Variants in EXOC6 observed in about 807,000 individuals in gnomAD.
EXOC6 encodes exocyst complex component 6, also known as SEC15-like 1.
EXOC6 carries 60 observed loss-of-function variants against 112.5 expected under a neutral mutation model. The observed-to-expected ratio is 0.53, with a 90% CI of 0.43 to 0.66. EXOC6 has a LOEUF of 0.66. Ranked by LOEUF, EXOC6 falls within the 30% of genes least tolerant of loss-of-function variation. The pLI, the probability that EXOC6 is intolerant of heterozygous loss-of-function variation, is 0.00. For missense variants in EXOC6, 855 were observed against 957.1 expected, an observed-to-expected ratio of 0.89 and a Z score of 1.41; for synonymous variants, 295 against 308.0, an observed-to-expected ratio of 0.96 and a Z score of 0.44.
Position 93,031,517 on chromosome 10 carries a change from T to C in EXOC6, c.2169+17250T>C, listed in dbSNP as rs1397864036. 3.2e-4 allele frequency among the ~76,000 whole-genome samples: 47 copies of C among 146,280 alleles called. No homozygotes were observed. The East Asian group carries it at 6.1e-3, about 19-fold the overall frequency. On this transcript the variant is annotated intron_variant, in intron 20 of 21. Transcript: ENST00000260762. ...TTTCTTTTTTCTTTCTTTCTTTTTT[T>C]TTTTTTTTTTTTTGAGCAGAGTCTT... is the stretch of plus-strand genomic sequence containing the variant.
intron 12 of EXOC6, among the ~76,000 whole-genome samples, chr10:92,939,613 GA>G: frequency 6.6e-6 from 1 of 152,146 alleles, no homozygotes; most frequent in Non-Finnish European, 1.5e-5. Context: ...TAAATATTTG[GA>G]ATTTAGAGAG....
chr10:92,943,378 A>C (rs1431170251), intron 13 of EXOC6, among the ~76,000 whole-genome samples: 1 of 152,134 alleles, frequency 6.6e-6, no homozygotes, highest in Admixed American at 6.5e-5. Context: ...CGTATCCTTA[A>C]ATATTTTATA....
At chr10:92,868,402 G>C (rs761161375) in intron 1 of EXOC6, among the ~76,000 whole-genome samples, 1 of 152,014 alleles carries the variant, frequency 6.6e-6, no homozygotes, top group Non-Finnish European at 1.5e-5. Context: ...TGGGTTTCTT[G>C]GTTCTGTTCA....
intron 1 of EXOC6, among the ~76,000 whole-genome samples, chr10:92,889,244 GT>G (rs1439923685): frequency 6.6e-6 from 1 of 152,116 alleles, no homozygotes; most frequent in Non-Finnish European, 1.5e-5. Flanking sequence ...GTCAGTTATT[GT>G]TTAAGAATTT....
intron 20 of EXOC6, among the ~76,000 whole-genome samples, chr10:93,042,272 G>A (rs1226556553): frequency 1.3e-5 from 2 of 152,128 alleles, no homozygotes; most frequent in Non-Finnish European, 2.9e-5. Flanking sequence ...GACTCAGTTT[G>A]GGTGTCATCT....
intron 12 of EXOC6, among the ~76,000 whole-genome samples, chr10:92,938,702 A>T (rs1019510368): frequency 1.2e-4 from 19 of 152,194 alleles, no homozygotes; most frequent in Non-Finnish European, 7.4e-5. Context: ...TGTATACAAT[A>T]GTAGAGACAT....
intron 1 of EXOC6, among the ~76,000 whole-genome samples, chr10:92,841,857 GA>G (rs1406319128): frequency 6.6e-6 from 1 of 152,104 alleles, no homozygotes; most frequent in Non-Finnish European, 1.5e-5. Context: ...ATGTATTAAT[GA>G]AATGTAATGT....
intron 8 of EXOC6, among the ~76,000 whole-genome samples, chr10:92,921,894 G>A (rs1249109195): frequency 1.3e-5 from 2 of 151,792 alleles, no homozygotes; most frequent in Non-Finnish European, 2.9e-5. Flanking sequence ...ACTTTCATTA[G>A]CACAATAACT....
chr10:92,995,868 C>T (rs1341713615), intron 18 of EXOC6, among the ~76,000 whole-genome samples: 4 of 152,248 alleles, frequency 2.6e-5, no homozygotes, highest in African/African-American at 9.6e-5. Context: ...TTTCACTGTG[C>T]ATAGTGTCTA....
intron 1 of EXOC6, among the ~76,000 whole-genome samples, chr10:92,876,216 T>C (rs888507578): frequency 6.6e-6 from 1 of 152,200 alleles, no homozygotes; most frequent in Non-Finnish European, 1.5e-5. Context: ...AAAAATAATA[T>C]TAAATCTAAA....
Position 92,875,895 on chromosome 10 carries a change from A to T in EXOC6, c.102-17454A>T, listed in dbSNP as rs143340744. 1.9e-3 allele frequency among the ~76,000 whole-genome samples: 296 copies of T among 152,178 alleles called. 2 individuals carry two copies. The highest frequency in any genetic ancestry group is 2.5e-3 in the Non-Finnish European group (168 of 67,950). On this transcript the variant is annotated intron_variant, in intron 1 of 21. Transcript: ENST00000260762. ...AAAATAAAAATACAATTTTTTGATT[A>T]TAAAAATAGTAAATATTCATTAAAA...
At chr10:92,948,845 T>G (rs1250691178) in intron 14 of EXOC6, among the ~76,000 whole-genome samples, 1 of 152,228 alleles carries the variant, frequency 6.6e-6, no homozygotes, top group East Asian at 1.9e-4. Context: ...ACAAAAAGTT[T>G]ATATTGGTTA....
chr10:92,955,680 A>G lies in EXOC6; in HGVS notation c.1739A>G (p.His580Arg), dbSNP rs376722865. The G allele has an allele frequency of 9.9e-6, 16 of 1,612,076 alleles. No homozygotes were observed. Among genetic ancestry groups the G allele is most frequent in the Non-Finnish European group, 1.4e-5 (16 of 1,179,116 alleles). The change falls in exon 17 of 22, where the codon CAT becomes CGT. Residue 580 changes from histidine to arginine, a missense_variant. His to Arg is a conservative substitution (Grantham distance 29, BLOSUM62 0). Around this residue, in one of 2 missense-constraint regions of EXOC6, gnomAD observed 450 missense variants for 563.5 expected, o/e 0.80. Transcript: ENST00000260762. Reference protein sequence around the residue: ...NITNISQETVHTTRLYGLSTF... With the variant: ...NITNISQETVRTTRLYGLSTF... ...ACAAATATTTCCCAAGAAACTGTTC[A>G]TACTACAAGACTTTATGGACTTTCT...
chr10:92,829,467 C>T (rs1031331582), intron 1 of EXOC6, among the ~76,000 whole-genome samples: 1 of 152,200 alleles, frequency 6.6e-6, no homozygotes, highest in African/African-American at 2.4e-5. Context: ...ATTTCCTTGG[C>T]ATGAGGCAAT....
intron 1 of EXOC6, among the ~76,000 whole-genome samples, chr10:92,882,831 A>G (rs1849032564): frequency 6.6e-6 from 1 of 152,300 alleles, no homozygotes; most frequent in East Asian, 1.9e-4. Flanking sequence ...GATATTGCAG[A>G]GGCTGCTCCA....
intron 19 of EXOC6, chr10:92,999,141 G>T (rs1348508237): frequency 2.8e-6 from 1 of 362,202 alleles, no homozygotes; most frequent in African/African-American, 2.2e-5. Flanking sequence ...CAAAGTGCTG[G>T]GATTATAGGC....
intron 1 of EXOC6, among the ~76,000 whole-genome samples, chr10:92,838,345 A>G (rs1225532890): frequency 6.6e-6 from 1 of 152,156 alleles, no homozygotes; most frequent in East Asian, 1.9e-4. Context: ...TCCCAGGACA[A>G]GCTTCTTCCA....
chr10:92,937,182 T>A (rs1018496909), intron 12 of EXOC6, among the ~76,000 whole-genome samples: 10 of 152,146 alleles, frequency 6.6e-5, no homozygotes, highest in Non-Finnish European at 1.3e-4. Context: ...GATTTTATGG[T>A]TAGAAGTAAC....
chr10:92,955,922 C>T (rs1853670950), intron 17 of EXOC6, among the ~76,000 whole-genome samples: 1 of 152,012 alleles, frequency 6.6e-6, no homozygotes, highest in Non-Finnish European at 1.5e-5. Context: ...TACTTATTTT[C>T]TACAGTGTAT....
Sources: allele counts gnomAD v4.1 joint callset (sites outside exome capture counted in the v4.1 genomes callset), GRCh38; gene constraint gnomAD v4.1.1; regional missense constraint gnomAD v4.1.1; transcripts MANE v1.5; gene names NCBI Gene and HGNC (gene_info 2026-07-23, HGNC 2026-07-21).